Variants in SPAG16 observed in about 807,000 individuals in gnomAD.
SPAG16 encodes the protein sperm associated antigen 16, also known as sperm-associated antigen 16 protein.
SPAG16 carries 86 observed loss-of-function variants against 80.4 expected under a neutral mutation model. That is an observed-to-expected ratio of 1.07 (90% CI 0.90 to 1.28). The LOEUF is 1.28. SPAG16 is among the 50% of genes most tolerant of loss of function. The pLI is 0.00. For synonymous variants in SPAG16, 294 were observed against 265.9 expected (o/e 1.11, Z -1.03); for missense variants, 870 against 765.3 (o/e 1.14, Z -1.61).
In SPAG16 at chr2:213,557,078, G is replaced by A. The variant is rs568775521; in HGVS notation, c.1070+66988G>A. Among the ~76,000 whole-genome samples the A allele has an allele frequency of 3.3e-5, 5 of 152,150 alleles. No individual in the cohort carries two copies. In the South Asian group the frequency reaches 1.0e-3, roughly 32 times the overall value. On this transcript the variant is annotated intron_variant, in intron 10 of 15. Coordinates refer to ENST00000331683, the MANE Select transcript of SPAG16 (RefSeq NM_024532.5). ...TAGTATAGCATAATATAAAAATTAA[G>A]CATATGTTATTTGTGGGTTTTTTTC...
intron 13 of SPAG16, among the ~76,000 whole-genome samples, chr2:214,037,574 C>G (rs965013670): frequency 6.6e-6 from 1 of 152,062 alleles, no homozygotes; most frequent in South Asian, 2.1e-4. Context: ...ATATCCTGTT[C>G]TGTGTGCACT....
intron 12 of SPAG16, among the ~76,000 whole-genome samples, chr2:213,962,262 C>T (rs1344137841): frequency 2.0e-5 from 3 of 149,938 alleles, no homozygotes; most frequent in African/African-American, 7.4e-5. Context: ...GGCGTGATCT[C>T]GGCTCACTGC....
intron 13 of SPAG16, among the ~76,000 whole-genome samples, chr2:214,027,622 C>A (rs1434657445): frequency 6.6e-6 from 1 of 151,736 alleles, no homozygotes; most frequent in East Asian, 1.9e-4. Context: ...CATCTGTGTC[C>A]ACTTTCCCCC....
intron 15 of SPAG16, among the ~76,000 whole-genome samples, chr2:214,399,346 G>T (rs926789418): frequency 1.3e-5 from 2 of 151,930 alleles, no homozygotes; most frequent in South Asian, 4.1e-4. Context: ...ACTATTAATG[G>T]TGTAGTGATG....
At chr2:213,851,439 C>T (rs570624019) in intron 10 of SPAG16, among the ~76,000 whole-genome samples, 3 of 152,234 alleles carry the variant, frequency 2.0e-5, no homozygotes, top group South Asian at 2.1e-4. Context: ...ACCCAGTAGG[C>T]GGAGGTTGCA....
intron 3 of SPAG16, 100 bp downstream of exon 3, chr2:213,297,457 C>A: frequency 1.6e-6 from 1 of 608,702 alleles, no homozygotes; most frequent in South Asian, 2.3e-5. Context: ...GTAGCTCAGT[C>A]ATCTGTTATA....
intron 15 of SPAG16, among the ~76,000 whole-genome samples, chr2:214,345,338 G>A (rs1168733925): frequency 6.6e-6 from 1 of 152,110 alleles, no homozygotes; most frequent in Non-Finnish European, 1.5e-5. Flanking sequence ...GAATATTTCT[G>A]ATTTCTTGGA....
intron 10 of SPAG16, among the ~76,000 whole-genome samples, chr2:213,848,855 T>A (rs1037119109): frequency 1.3e-5 from 2 of 152,140 alleles, no homozygotes; most frequent in African/African-American, 4.8e-5. Flanking sequence ...CAGTTTCTGC[T>A]TGTGGCCTAT....
intron 13 of SPAG16, among the ~76,000 whole-genome samples, chr2:214,076,625 C>G (rs543744349): frequency 1.3e-5 from 2 of 151,650 alleles, no homozygotes; most frequent in African/African-American, 4.8e-5. Flanking sequence ...TTCTGGCAAA[C>G]AGATGTTTGA....
chr2:214,216,792 T>C (rs766639343), intron 15 of SPAG16, among the ~76,000 whole-genome samples: 25 of 152,230 alleles, frequency 1.6e-4, no homozygotes, highest in Admixed American at 3.3e-4. Flanking sequence ...GATTGGCATA[T>C]TTAAAATTTT....
chr2:214,078,319 G>A (rs1414910927), intron 13 of SPAG16, among the ~76,000 whole-genome samples: 1 of 152,074 alleles, frequency 6.6e-6, no homozygotes, highest in Non-Finnish European at 1.5e-5. Flanking sequence ...TTGGTAGGTT[G>A]AGGCAGGAGG....
At chr2:213,461,924 G>GT (rs1467869567) in intron 9 of SPAG16, among the ~76,000 whole-genome samples, 1 of 152,150 alleles carries the variant, frequency 6.6e-6, no homozygotes, top group African/African-American at 2.4e-5. Context: ...ATGTGTATGT[G>GT]TATGTATGTG....
intron 5 of SPAG16, among the ~76,000 whole-genome samples, chr2:213,319,765 A>C (rs908825161): frequency 6.6e-6 from 1 of 151,992 alleles, no homozygotes; most frequent in African/African-American, 2.4e-5. Flanking sequence ...ATTGTCAAGT[A>C]CTGGTTGTTT....
intron 15 of SPAG16, among the ~76,000 whole-genome samples, chr2:214,342,472 G>A (rs1209113634): frequency 6.6e-6 from 1 of 152,100 alleles, no homozygotes; most frequent in African/African-American, 2.4e-5. Context: ...GCCTGTGTGA[G>A]GGACCTAGGT....
chr2:213,888,760 G>A (rs1326386680), intron 11 of SPAG16, among the ~76,000 whole-genome samples: 2 of 151,760 alleles, frequency 1.3e-5, no homozygotes, highest in African/African-American at 4.8e-5. Flanking sequence ...ATAGAGCTGA[G>A]GGCACATACA....
At position 214,010,074 on chromosome 2, in the gene SPAG16, A is replaced by G. The variant is rs911181606; in HGVS notation, c.1401-3877A>G. On this transcript the variant is annotated intron_variant, in intron 12 of 15. Transcript: ENST00000331683. Reference sequence around the variant, plus strand: ...AAATTACTGAAATGCTATATTTTAAATTGTTTTTATATAATAAAATGTCAA... The same window carrying G: ...AAATTACTGAAATGCTATATTTTAAGTTGTTTTTATATAATAAAATGTCAA... Among the ~76,000 whole-genome samples, 4 of 146,140 alleles carry G rather than the reference A, an allele frequency of 2.7e-5. 1 individual carries two copies. The highest frequency in any genetic ancestry group is 6.0e-5 in the Non-Finnish European group (4 of 66,818).
intron 10 of SPAG16, among the ~76,000 whole-genome samples, chr2:213,714,463 T>C (rs984184486): frequency 6.6e-6 from 1 of 152,026 alleles, no homozygotes; most frequent in African/African-American, 2.4e-5. Context: ...AGCTAACAGG[T>C]GGCAGGGAAG....
At chr2:214,005,487 T>G (rs909073214) in intron 12 of SPAG16, among the ~76,000 whole-genome samples, 1 of 152,198 alleles carries the variant, frequency 6.6e-6, no homozygotes, top group African/African-American at 2.4e-5. Context: ...GAACTTCTTT[T>G]GTTTAGGAGC....
chr2:213,895,624 C>T (rs893669567), intron 11 of SPAG16, among the ~76,000 whole-genome samples: 2 of 152,142 alleles, frequency 1.3e-5, no homozygotes, highest in African/African-American at 4.8e-5. Context: ...TCCAACTCAT[C>T]TTTGGCTAAG....
Sources: gnomAD v4.1 joint callset for allele counts (sites outside exome capture counted in the v4.1 genomes callset) on GRCh38, gnomAD v4.1.1 for gene constraint, MANE v1.5 for transcripts, NCBI Gene and HGNC (gene_info 2026-07-23, HGNC 2026-07-21) for gene names.